Variants in AFG2A observed in about 807,000 individuals in gnomAD.
AFG2A encodes AAA ATPase AFG2A.
chr4:122,990,366 T>C, the AFG2A span, among the ~76,000 whole-genome samples: 1 of 152,204 alleles, frequency 6.6e-6, no homozygotes, highest in Non-Finnish European at 1.5e-5. Context: ...AACTCTACCA[T>C]TAGAATTATT....
the AFG2A span, among the ~76,000 whole-genome samples, chr4:123,191,351 A>T: frequency 8.2e-6 from 1 of 121,428 alleles, no homozygotes; most frequent in Non-Finnish European, 1.8e-5. Context: ...AGCTAAACCC[A>T]CTCTGGACTC....
At chr4:123,058,388 G>A in the AFG2A span, among the ~76,000 whole-genome samples, 1 of 152,190 alleles carries the variant, frequency 6.6e-6, no homozygotes, top group Admixed American at 6.5e-5. Flanking sequence ...ACTTTGGCAG[G>A]CCGAGGTGGG....
chr4:123,065,076 T>G, the AFG2A span, among the ~76,000 whole-genome samples: 1 of 152,198 alleles, frequency 6.6e-6, no homozygotes, highest in Non-Finnish European at 1.5e-5. Context: ...CCTGAGCCAC[T>G]TTTTTGTTCA....
chr4:123,097,865 G>A, the AFG2A span, among the ~76,000 whole-genome samples: 1 of 152,114 alleles, frequency 6.6e-6, no homozygotes, highest in Non-Finnish European at 1.5e-5. Context: ...CCACCAACTG[G>A]TTTTGCATAT....
chr4:123,100,505 G>C, the AFG2A span, among the ~76,000 whole-genome samples: 1 of 151,534 alleles, frequency 6.6e-6, no homozygotes. Context: ...TCTTTTTCTT[G>C]TGAACTATTT....
At chr4:123,239,767 T>C in the AFG2A span, among the ~76,000 whole-genome samples, 51 of 152,296 alleles carry the variant, frequency 3.3e-4, no homozygotes, top group African/African-American at 1.1e-3. Flanking sequence ...AGAAACTGCA[T>C]CAATTAACAG....
the AFG2A span, among the ~76,000 whole-genome samples, chr4:123,172,576 A>C: frequency 6.6e-6 from 1 of 152,212 alleles, no homozygotes; most frequent in South Asian, 2.1e-4. Context: ...TCAAAATGAA[A>C]TGATTCAGGA....
the AFG2A span, among the ~76,000 whole-genome samples, chr4:123,218,310 G>A: frequency 6.6e-6 from 1 of 152,136 alleles, no homozygotes; most frequent in Non-Finnish European, 1.5e-5. Flanking sequence ...GCTTTATTAA[G>A]GTGAAGTGAA....
chr4:123,007,594 G>GTT, the AFG2A span, among the ~76,000 whole-genome samples: 1 of 23,716 alleles, frequency 4.2e-5, no homozygotes, highest in African/African-American at 4.3e-4. Context: ...GTGTGTGTGT[G>GTT]TGTGTGTGTG....
chr4:123,128,059 ATACTT>A, the AFG2A span, among the ~76,000 whole-genome samples: 4 of 152,196 alleles, frequency 2.6e-5, no homozygotes, highest in Admixed American at 2.6e-4. Context: ...CTTTGTGTAA[ATACTT>A]TACTGACATA....
At chr4:123,211,763 CCA>C in the AFG2A span, among the ~76,000 whole-genome samples, 1 of 151,968 alleles carries the variant, frequency 6.6e-6, no homozygotes, top group South Asian at 2.1e-4. Flanking sequence ...AGCACTTTGT[CCA>C]CCTGCTTCCT....
chr4:122,975,633 T>A, the AFG2A span, among the ~76,000 whole-genome samples: 54 of 152,120 alleles, frequency 3.5e-4, no homozygotes, highest in African/African-American at 1.1e-3. Context: ...ACCTGAGCCT[T>A]TATAGGCTTG....
the AFG2A span, among the ~76,000 whole-genome samples, chr4:123,312,286 G>T: frequency 3.9e-5 from 6 of 152,290 alleles, no homozygotes; most frequent in Non-Finnish European, 7.3e-5. Context: ...TATGAGGGGT[G>T]GGGGAGGTAT....
At chr4:123,133,155 C>G in the AFG2A span, among the ~76,000 whole-genome samples, 1 of 152,044 alleles carries the variant, frequency 6.6e-6, no homozygotes, top group East Asian at 1.9e-4. Context: ...TGGGTTTGTT[C>G]GAGACTGCAT....
chr4:122,926,257 G>A, the AFG2A span, among the ~76,000 whole-genome samples: 1 of 152,220 alleles, frequency 6.6e-6, no homozygotes, highest in African/African-American at 2.4e-5. Context: ...GAACACTTGT[G>A]TGGTAATTGT....
the AFG2A span, among the ~76,000 whole-genome samples, chr4:122,949,663 A>G: frequency 2.0e-5 from 3 of 152,186 alleles, no homozygotes; most frequent in African/African-American, 7.2e-5. Flanking sequence ...GAGTTGTGTC[A>G]TTCTGAGAGA....
the AFG2A span, among the ~76,000 whole-genome samples, chr4:123,279,873 AT>A: frequency 6.6e-6 from 1 of 152,186 alleles, no homozygotes; most frequent in African/African-American, 2.4e-5. Flanking sequence ...AGAAAGCAAT[AT>A]TTTTTAAAGG....
the AFG2A span, among the ~76,000 whole-genome samples, chr4:123,100,858 C>T: frequency 6.6e-6 from 1 of 151,916 alleles, no homozygotes; most frequent in African/African-American, 2.4e-5. Context: ...CCAAAATTAG[C>T]TCCTCTAAGT....
the AFG2A span, among the ~76,000 whole-genome samples, chr4:122,991,632 T>C: frequency 6.6e-6 from 1 of 152,212 alleles, no homozygotes; most frequent in Non-Finnish European, 1.5e-5. Flanking sequence ...TGCAGTTGTT[T>C]TGTAAATTTA....
Sources: allele counts gnomAD v4.1 joint callset (sites outside exome capture counted in the v4.1 genomes callset), GRCh38; gene constraint gnomAD v4.1.1; transcripts MANE v1.5; gene names NCBI Gene and HGNC (gene_info 2026-07-23, HGNC 2026-07-21).